MAP3K15: variants seen among roughly 807,000 people sequenced by gnomAD.
MAP3K15 encodes mitogen-activated protein kinase kinase kinase 15.
In MAP3K15, 124 loss-of-function variants were observed where a neutral mutation model predicts 99.5. The observed-to-expected ratio is 1.25, with a 90% CI of 1.08 to 1.45. The LOEUF is 1.45. MAP3K15 is among the 40% of genes most tolerant of loss of function. MAP3K15 has a pLI of 0.00. For synonymous variants in MAP3K15, 494 were observed against 439.6 expected, an observed-to-expected ratio of 1.12 and a Z score of -1.55; for missense variants, 1,242 against 1,079.7, an observed-to-expected ratio of 1.15 and a Z score of -2.11.
intron 1 of MAP3K15, among the ~76,000 whole-genome samples, chrX:19,501,170 T>C (rs2064437884): frequency 1.8e-5 from 2 of 111,468 alleles, no homozygotes; most frequent in South Asian, 3.8e-4. Flanking sequence ...GGAGCACTCA[T>C]GGTTGTCTAG....
chrX:19,406,675 T>C (rs1290487753), intron 13 of MAP3K15, among the ~76,000 whole-genome samples: 1 of 112,720 alleles, frequency 8.9e-6, no homozygotes, highest in Non-Finnish European at 1.9e-5. Flanking sequence ...TGGAAAACTA[T>C]GACTATACTA....
intron 2 of MAP3K15, among the ~76,000 whole-genome samples, chrX:19,486,876 G>A (rs2064330026): frequency 9.0e-6 from 1 of 110,608 alleles, no homozygotes; most frequent in Non-Finnish European, 1.9e-5. Context: ...AAAGAATGTC[G>A]GCGATAGCAA....
At chrX:19,414,268 A>C (rs1286803395) in intron 10 of MAP3K15, 1 of 117,411 alleles carries the variant, frequency 8.5e-6, no homozygotes, top group East Asian at 2.8e-4. Flanking sequence ...ACCTGGTTAG[A>C]GATTACGCGG....
At chrX:19,475,242 C>T (rs907437105) in intron 3 of MAP3K15, among the ~76,000 whole-genome samples, 12 of 110,856 alleles carry the variant, frequency 1.1e-4, no homozygotes, top group Non-Finnish European at 3.8e-5. Flanking sequence ...AGATCCCTCA[C>T]ATGCATAGTT....
intron 1 of MAP3K15, among the ~76,000 whole-genome samples, chrX:19,502,635 A>G (rs1368941259): frequency 9.0e-6 from 1 of 111,670 alleles, no homozygotes; most frequent in Non-Finnish European, 1.9e-5. Flanking sequence ...CCTGGCCAAC[A>G]TGGCAAAAGC....
intron 1 of MAP3K15, among the ~76,000 whole-genome samples, chrX:19,506,194 A>C (rs1003615661): frequency 9.8e-5 from 11 of 111,937 alleles, no homozygotes; most frequent in Non-Finnish European, 2.1e-4. Context: ...TTGGCCTCCC[A>C]AAGTGCTGGA....
chrX:19,485,404 C>CA (rs768979011), intron 3 of MAP3K15, among the ~76,000 whole-genome samples: 10 of 101,520 alleles, frequency 9.9e-5, no homozygotes, highest in South Asian at 4.6e-4. Flanking sequence ...TAAATGGGAC[C>CA]AAAAAAAGTC....
At chrX:19,395,022 A>G in intron 16 of MAP3K15, 59 bp downstream of exon 16, 1 of 1,163,874 alleles carries the variant, frequency 8.6e-7, no homozygotes, top group Non-Finnish European at 1.2e-6. Context: ...AGGACAACAA[A>G]TGACATCCAC....
At chrX:19,468,241 C>A (rs747006401) in intron 3 of MAP3K15, among the ~76,000 whole-genome samples, 1 of 112,001 alleles carries the variant, frequency 8.9e-6, no homozygotes, top group East Asian at 2.8e-4. Context: ...AAGGGTAGAC[C>A]AGCTAGAAGT....
chrX:19,367,787 C>G (rs919731194), intron 25 of MAP3K15, among the ~76,000 whole-genome samples: 1 of 75,405 alleles, frequency 1.3e-5, no homozygotes, highest in African/African-American at 4.9e-5. Context: ...CTCATGCTGT[C>G]GCCCAGGCTG....
intron 3 of MAP3K15, among the ~76,000 whole-genome samples, chrX:19,475,418 G>A (rs1215020467): frequency 9.0e-6 from 1 of 110,983 alleles, no homozygotes; most frequent in Non-Finnish European, 1.9e-5. Flanking sequence ...GGTGGCCCAG[G>A]GGTTGAGGAC....
chrX:19,409,460 A>G (rs2063670985), intron 12 of MAP3K15, among the ~76,000 whole-genome samples: 1 of 110,977 alleles, frequency 9.0e-6, no homozygotes, highest in Non-Finnish European at 1.9e-5. Context: ...CTCCTGAACC[A>G]AAATGCAAGA....
At chrX:19,471,557 C>T (rs975493892) in intron 3 of MAP3K15, among the ~76,000 whole-genome samples, 11 of 110,999 alleles carry the variant, frequency 9.9e-5, no homozygotes, top group East Asian at 2.8e-4. Flanking sequence ...CCACCGTGCC[C>T]GGCCCCAGAT....
intron 4 of MAP3K15, among the ~76,000 whole-genome samples, chrX:19,461,820 G>A (rs1385063735): frequency 1.8e-5 from 2 of 110,601 alleles, no homozygotes; most frequent in Admixed American, 9.7e-5. Context: ...GTGAAACCCC[G>A]TCTCTACTAA....
Position 19,368,907 on chromosome X carries a change from G to A in MAP3K15, c.3566+147C>T. 3 of 424,536 alleles carry A rather than the reference G, an allele frequency of 7.1e-6. No homozygotes were observed. The highest frequency in any genetic ancestry group is 5.0e-5 in the East Asian group (1 of 20,115). The allele number at this position is 424,536 out of a possible 1,213,427, so 35.0% of individuals were successfully genotyped here. A position where few individuals can be genotyped will look rare whatever the true frequency, so the allele number is the denominator to read the frequency against. On this transcript the variant is annotated intron_variant, in intron 25 of 28. Transcript: ENST00000338883. The stretch of plus-strand genomic sequence containing the variant: ...CCCTCAATTGAGGCTGAGAATATGC[G>A]CCCTTGCCTAGTTCGTGGATGATGA...
At chrX:19,430,585 G>A (rs1480785165) in intron 7 of MAP3K15, among the ~76,000 whole-genome samples, 1 of 111,627 alleles carries the variant, frequency 9.0e-6, no homozygotes, top group Non-Finnish European at 1.9e-5. Flanking sequence ...GCATAACAGT[G>A]AGTACTCTTG....
chrX:19,411,976 T>G (rs1233804860), intron 11 of MAP3K15, among the ~76,000 whole-genome samples: 3 of 111,760 alleles, frequency 2.7e-5, no homozygotes, highest in Non-Finnish European at 5.6e-5. Context: ...GCAAATCACA[T>G]CCAACTGCAT....
intron 13 of MAP3K15, among the ~76,000 whole-genome samples, chrX:19,404,066 A>G (rs776715439): frequency 8.9e-6 from 1 of 111,857 alleles, no homozygotes; most frequent in African/African-American, 3.2e-5. Context: ...GTTGGAAAGG[A>G]AAAACTAAAA....
At chrX:19,445,745 G>T (rs952697157) in intron 6 of MAP3K15, among the ~76,000 whole-genome samples, 1 of 108,575 alleles carries the variant, frequency 9.2e-6, no homozygotes, top group East Asian at 2.9e-4. Context: ...TCAGGAGTTC[G>T]AGACCAGCCC....
Sources: allele counts gnomAD v4.1 joint callset (sites outside exome capture counted in the v4.1 genomes callset), GRCh38; gene constraint gnomAD v4.1.1; transcripts MANE v1.5; gene names NCBI Gene and HGNC (gene_info 2026-07-23, HGNC 2026-07-21).